The following RANBP2 variants were observed in gnomAD, a reference collection of about 807,000 sequenced individuals.
The protein encoded by RANBP2 is E3 SUMO-protein ligase RanBP2.
A neutral mutation model predicts 303.6 loss-of-function variants in RANBP2; 57 were observed. The ratio of observed to expected loss-of-function variants is 0.19; its 90% CI spans 0.15 to 0.23. The LOEUF (loss-of-function observed/expected upper bound fraction) is 0.23, where lower values mean the gene tolerates loss of function less well. Ranked by LOEUF, RANBP2 falls within the 10% of genes least tolerant of loss-of-function variation. The pLI is 1.00. For missense variants in RANBP2, 3,138 were observed against 3,780.8 expected, an observed-to-expected ratio of 0.83 and a Z score of 4.46; for synonymous variants, 1,167 against 1,301.5, an observed-to-expected ratio of 0.90 and a Z score of 2.23.
the RANBP2 span, among the ~76,000 whole-genome samples, chr2:109,098,481 T>A: frequency 6.6e-6 from 1 of 152,226 alleles, no homozygotes; most frequent in Non-Finnish European, 1.5e-5. Context: ...TGATGGTCAC[T>A]GATTAGTTAT....
At chr2:109,294,103 G>A in the RANBP2 span, among the ~76,000 whole-genome samples, 1 of 152,134 alleles carries the variant, frequency 6.6e-6, no homozygotes, top group Admixed American at 6.5e-5. Flanking sequence ...CTCTGTTGTG[G>A]TTTATGATTG....
chr2:109,421,254 G>A, the RANBP2 span, among the ~76,000 whole-genome samples: 1 of 152,372 alleles, frequency 6.6e-6, no homozygotes, highest in Non-Finnish European at 1.5e-5. Flanking sequence ...GGTTGCTGAG[G>A]CCATGAGTGC....
chr2:109,347,162 G>A, the RANBP2 span, among the ~76,000 whole-genome samples: 1 of 152,184 alleles, frequency 6.6e-6, no homozygotes, highest in African/African-American at 2.4e-5. Flanking sequence ...AAAAATGGTT[G>A]GATACTTGCT....
chr2:109,604,486 G>A, the RANBP2 span, among the ~76,000 whole-genome samples: 1 of 150,506 alleles, frequency 6.6e-6, no homozygotes, highest in Non-Finnish European at 1.5e-5. Flanking sequence ...TAGCACTTTG[G>A]GAGGCCGAGG....
At chr2:108,789,668 T>C (rs372142755), downstream of RANBP2, among the ~76,000 whole-genome samples, 3 of 152,294 alleles carry the variant, frequency 2.0e-5, no homozygotes, top group African/African-American at 7.2e-5. Flanking sequence ...ATCTCTGGTG[T>C]GTCTGGTATT....
the RANBP2 span, among the ~76,000 whole-genome samples, chr2:108,871,447 G>T: frequency 6.6e-6 from 1 of 151,772 alleles, no homozygotes; most frequent in Non-Finnish European, 1.5e-5. Flanking sequence ...CAGTTACTCG[G>T]GAGGCAAGGC....
At chr2:109,674,371 C>T in the RANBP2 span, among the ~76,000 whole-genome samples, 1 of 127,172 alleles carries the variant, frequency 7.9e-6, no homozygotes, top group Non-Finnish European at 1.6e-5. Flanking sequence ...CTCAGTAGTT[C>T]ATGACCGGCC....
At chr2:109,437,167 C>T in the RANBP2 span, 2 of 1,589,568 alleles carry the variant, frequency 1.3e-6, no homozygotes, top group Non-Finnish European at 1.7e-6. Flanking sequence ...AGGGGCCTCA[C>T]CCTGCAGGGC....
At chr2:108,893,623 A>G in the RANBP2 span, among the ~76,000 whole-genome samples, 1 of 152,262 alleles carries the variant, frequency 6.6e-6, no homozygotes, top group South Asian at 2.1e-4. Flanking sequence ...AAATAGAGTC[A>G]TGGAAGGCCA....
chr2:109,133,736 T>G, the RANBP2 span, among the ~76,000 whole-genome samples: 2 of 152,076 alleles, frequency 1.3e-5, no homozygotes, highest in Non-Finnish European at 2.9e-5. Flanking sequence ...TTTTTTTTTT[T>G]TTTTTGCACT....
chr2:109,121,991 G>C, the RANBP2 span, among the ~76,000 whole-genome samples: 1 of 152,174 alleles, frequency 6.6e-6, no homozygotes, highest in Non-Finnish European at 1.5e-5. Context: ...AAAGCACTGT[G>C]CTTGCTAGTG....
chr2:109,453,475 C>T, the RANBP2 span, among the ~76,000 whole-genome samples: 6 of 152,226 alleles, frequency 3.9e-5, no homozygotes, highest in East Asian at 7.7e-4. Flanking sequence ...CACATCAGCA[C>T]CAGGTGATAC....
the RANBP2 span, among the ~76,000 whole-genome samples, chr2:109,654,086 TCAGA>T: frequency 6.6e-6 from 1 of 152,142 alleles, no homozygotes; most frequent in Non-Finnish European, 1.5e-5. Context: ...AATGGTGTCC[TCAGA>T]CAGTGTGGGA....
At chr2:109,347,421 T>A in the RANBP2 span, among the ~76,000 whole-genome samples, 1 of 152,032 alleles carries the variant, frequency 6.6e-6, no homozygotes, top group Non-Finnish European at 1.5e-5. Flanking sequence ...GTTGTCTGTG[T>A]GGAAGGCCTC....
chr2:109,210,024 T>C, the RANBP2 span, among the ~76,000 whole-genome samples: 5 of 152,236 alleles, frequency 3.3e-5, no homozygotes, highest in African/African-American at 1.2e-4. Context: ...TCTCTGTGAA[T>C]GACTATTCTA....
chr2:109,129,456 G>T, the RANBP2 span: 9 of 1,495,254 alleles, frequency 6.0e-6, no homozygotes, highest in Non-Finnish European at 8.0e-6. Context: ...CGGCTCCCCA[G>T]TCCTGATGCT....
At chr2:109,238,005 A>G in the RANBP2 span, among the ~76,000 whole-genome samples, 1 of 152,212 alleles carries the variant, frequency 6.6e-6, no homozygotes, top group Non-Finnish European at 1.5e-5. Flanking sequence ...CAGGAGTTCA[A>G]AATCAGCCTG....
At chr2:109,371,463 C>T in the RANBP2 span, 1 of 708,380 alleles carries the variant, frequency 1.4e-6, no homozygotes, top group Non-Finnish European at 2.5e-6. Context: ...GGATAATGCA[C>T]TCTTCTTGAA....
chr2:108,729,258 T>G, intron 2 of RANBP2, 59 bp downstream of exon 2: 1 of 1,499,672 alleles, frequency 6.7e-7, no homozygotes, highest in Non-Finnish European at 9.0e-7. Context: ...TCTCATTTTC[T>G]TCTTTGAAAT....
Sources: allele counts gnomAD v4.1 joint callset (sites outside exome capture counted in the v4.1 genomes callset), GRCh38; gene constraint gnomAD v4.1.1; transcripts MANE v1.5; gene names NCBI Gene and HGNC (gene_info 2026-07-23, HGNC 2026-07-21).